Variants in DOCK2 observed in about 807,000 individuals in gnomAD.
DOCK2 encodes the protein dedicator of cytokinesis 2, also known as dedicator of cytokinesis protein 2.
Under a neutral mutation model 248.9 loss-of-function variants are expected in DOCK2, and 87 were observed. The observed-to-expected ratio is 0.35, with a 90% CI of 0.29 to 0.42. The LOEUF is 0.42. Ranked by LOEUF, DOCK2 falls within the 10% of genes least tolerant of loss-of-function variation. The pLI is 1.00. For synonymous variants in DOCK2, 805 were observed against 821.6 expected, an observed-to-expected ratio of 0.98 and a Z score of 0.35; for missense variants, 1,747 against 2,300.2, an observed-to-expected ratio of 0.76 and a Z score of 4.92.
intron 40 of DOCK2, among the ~76,000 whole-genome samples, chr5:170,049,036 A>G (rs1647626871): frequency 6.6e-6 from 1 of 152,094 alleles, no homozygotes; most frequent in Non-Finnish European, 1.5e-5. Context: ...TTCATGGAGG[A>G]AGTAGAGGTG....
At chr5:169,841,301 C>A in intron 27 of DOCK2, 1 of 993,448 alleles carries the variant, frequency 1.0e-6, no homozygotes. Flanking sequence ...TATTCAAGGT[C>A]ATTACTACAT....
rs1761909712 is a variant in DOCK2, at chr5:169,716,252, A to G, written c.1981A>G (p.Met661Val). The change falls in exon 20 of 52, where the codon ATG (methionine) becomes GTG (valine). Residue 661 changes from methionine to valine, a missense_variant. Physicochemically the swap from Met to Val is conservative, Grantham distance 21. Around this residue, in one of 4 missense-constraint regions of DOCK2, gnomAD observed 858 missense variants for 1,183.5 expected, o/e 0.72. Coordinates refer to ENST00000520908, the MANE Select transcript of DOCK2 (RefSeq NM_004946.3). ...TCTGGATGCCCTCTTCAACATCATG[A>G]TGGAGCATTCTCAAAGTGATGAATA... Reference protein sequence around the residue: ...DTLDALFNIMMEHSQSDEYDI... With the variant: ...DTLDALFNIMVEHSQSDEYDI... The G allele has an allele frequency of 6.2e-7, 1 of 1,613,756 alleles. No individual in the cohort carries two copies. The highest frequency in any genetic ancestry group is 8.5e-7 in the Non-Finnish European group (1 of 1,179,748).
intron 26 of DOCK2, among the ~76,000 whole-genome samples, chr5:169,808,910 TA>T (rs1767570834): frequency 6.6e-6 from 1 of 152,098 alleles, no homozygotes; most frequent in Non-Finnish European, 1.5e-5. Context: ...CATCTTTTTT[TA>T]AAAAAGTATT....
At chr5:169,819,545 C>G (rs1275939652) in intron 26 of DOCK2, among the ~76,000 whole-genome samples, 2 of 151,616 alleles carry the variant, frequency 1.3e-5, no homozygotes, top group Non-Finnish European at 2.9e-5. Flanking sequence ...CACTGGGGCC[C>G]AGAAGCTAGT....
chr5:170,072,263 A>G lies in DOCK2; in HGVS notation c.4728+3043A>G, dbSNP rs147539943. On this transcript the variant is annotated intron_variant, in intron 46 of 51. Coordinates refer to ENST00000520908, the MANE Select transcript of DOCK2 (RefSeq NM_004946.3). ...TCTTGAACCTCTTATAAATTGTATT[A>G]TACAGTACAGTATGTACTACTGTAT... 1.2e-3 allele frequency among the ~76,000 whole-genome samples: 176 copies of G among 152,286 alleles called. No homozygotes were observed. In the Middle Eastern group the frequency reaches 0.014, roughly 12 times the overall value.
chr5:169,815,904 C>T (rs1009755374), intron 26 of DOCK2, among the ~76,000 whole-genome samples: 6 of 152,094 alleles, frequency 3.9e-5, no homozygotes, highest in Admixed American at 2.6e-4. Flanking sequence ...AGAGGGGCTG[C>T]GGAAGATTTC....
chr5:169,912,862 A>G (rs931759558), intron 27 of DOCK2, among the ~76,000 whole-genome samples: 5 of 151,676 alleles, frequency 3.3e-5, no homozygotes, highest in African/African-American at 4.9e-5. Flanking sequence ...CAATCAACTC[A>G]TTTGAATAGA....
intron 6 of DOCK2, among the ~76,000 whole-genome samples, chr5:169,681,058 G>A (rs2113350874): frequency 6.7e-6 from 1 of 148,498 alleles, no homozygotes; most frequent in South Asian, 2.1e-4. Flanking sequence ...TCTGCTATGT[G>A]GTATTCCATT....
Position 169,731,351 on chromosome 5 carries a change from G to A in DOCK2, c.2267+12560G>A, listed in dbSNP as rs553407043. ...TTTTCTGTGCTGTTCTCATGATAGT[G>A]AATGAGTCTCATGAGATCTGATGGT... On this transcript the variant is annotated intron_variant, in intron 22 of 51. Coordinates refer to ENST00000520908, the MANE Select transcript of DOCK2 (RefSeq NM_004946.3). 2.6e-5 allele frequency among the ~76,000 whole-genome samples: 4 copies of A among 152,288 alleles called. No homozygotes were observed. The East Asian group carries it at 7.7e-4, about 29-fold the overall frequency.
At chr5:169,687,458 G>A (rs569057912) in intron 8 of DOCK2, among the ~76,000 whole-genome samples, 14 of 152,234 alleles carry the variant, frequency 9.2e-5, no homozygotes, top group African/African-American at 1.9e-4. Flanking sequence ...AGAGAGGAAC[G>A]AGGCATCAGA....
chr5:170,035,764 C>T lies in DOCK2; in HGVS notation c.3625-751C>T, dbSNP rs17072000. Among the ~76,000 whole-genome samples, 752 of 152,302 alleles carry T rather than the reference C, an allele frequency of 4.9e-3. 3 individuals are homozygous for T. Among genetic ancestry groups the T allele is most frequent in the African/African-American group, 0.017 (688 of 41,564 alleles). ...TCCAGTATGATTTGCCACCCATTGA[C>T]TGTGTGCTCTGGAACATGTCACCAC... On this transcript the variant is annotated intron_variant, in intron 35 of 51. Coordinates refer to ENST00000520908, the MANE Select transcript of DOCK2 (RefSeq NM_004946.3).
At chr5:169,978,226 C>T (rs1777787130) in intron 27 of DOCK2, among the ~76,000 whole-genome samples, 1 of 152,138 alleles carries the variant, frequency 6.6e-6, no homozygotes, top group South Asian at 2.1e-4. Context: ...GATCTCATCA[C>T]TCCTACTAAT....
At position 170,066,101 on chromosome 5, in the gene DOCK2, G is replaced by A. The variant is rs1021889062; in HGVS notation, c.4468-1409G>A. Reference sequence around the variant, plus strand: ...CGAGTAACTGGGACTACAGGCGCCCGCCACAACGCCTGGCTAATTTTTGTA... The same window carrying A: ...CGAGTAACTGGGACTACAGGCGCCCACCACAACGCCTGGCTAATTTTTGTA... On this transcript the variant is annotated intron_variant, in intron 44 of 51. Coordinates refer to ENST00000520908, the MANE Select transcript of DOCK2 (RefSeq NM_004946.3). Among the ~76,000 whole-genome samples, 8 of 151,928 alleles carry A rather than the reference G, an allele frequency of 5.3e-5. No homozygotes were observed. In the East Asian group the frequency reaches 7.7e-4, roughly 15 times the overall value.
chr5:169,966,337 C>G (rs768053046), intron 27 of DOCK2, among the ~76,000 whole-genome samples: 22 of 152,096 alleles, frequency 1.4e-4, no homozygotes, highest in Non-Finnish European at 2.8e-4. Flanking sequence ...TTTAAAAGCC[C>G]CAAATCTTAG....
intron 36 of DOCK2, among the ~76,000 whole-genome samples, chr5:170,040,279 T>C (rs1756470225): frequency 6.6e-6 from 1 of 152,216 alleles, no homozygotes; most frequent in African/African-American, 2.4e-5. Context: ...ATCAGTTATC[T>C]AAGAATTTTC....
At chr5:170,065,118 C>T (rs1757447245) in intron 44 of DOCK2, among the ~76,000 whole-genome samples, 1 of 151,948 alleles carries the variant, frequency 6.6e-6, no homozygotes, top group African/African-American at 2.4e-5. Flanking sequence ...AAACTTAAAA[C>T]ATGGGAGGAG....
chr5:169,737,055 A>AG (rs1161055647), intron 22 of DOCK2, among the ~76,000 whole-genome samples: 1 of 152,200 alleles, frequency 6.6e-6, no homozygotes, highest in Non-Finnish European at 1.5e-5. Flanking sequence ...TGTAAAATCA[A>AG]GGGGAAATGC....
intron 27 of DOCK2, among the ~76,000 whole-genome samples, chr5:169,934,166 G>C (rs956972983): frequency 2.0e-5 from 3 of 152,174 alleles, no homozygotes; most frequent in African/African-American, 7.2e-5. Flanking sequence ...GGGGTTGGCA[G>C]TAATCAGGTA....
chr5:169,728,845 A>C (rs1206473937), intron 22 of DOCK2, among the ~76,000 whole-genome samples: 2 of 152,148 alleles, frequency 1.3e-5, no homozygotes, highest in African/African-American at 2.4e-5. Context: ...AGCGTAAGAC[A>C]CTGGTCTTGT....
Sources: gnomAD v4.1 joint callset for allele counts (sites outside exome capture counted in the v4.1 genomes callset) on GRCh38, gnomAD v4.1.1 for gene constraint, gnomAD v4.1.1 regional missense constraint, MANE v1.5 for transcripts, NCBI Gene and HGNC (gene_info 2026-07-23, HGNC 2026-07-21) for gene names.